TMEM176B: variants seen among roughly 807,000 people sequenced by gnomAD.
The protein encoded by TMEM176B is transmembrane protein 176B, also known as LR8-like protein.
In TMEM176B, 28 loss-of-function variants were observed where a neutral mutation model predicts 30.3. That is an observed-to-expected ratio of 0.92 (90% CI 0.68 to 1.27). TMEM176B has a LOEUF of 1.27. TMEM176B is among the 50% of genes most tolerant of loss of function. The probability of loss-of-function intolerance (pLI) is 0.00; values close to 1 mark genes in which losing one functional copy is unlikely to be tolerated. For synonymous variants in TMEM176B, 123 were observed against 130.3 expected (o/e 0.94, Z 0.38); for missense variants, 349 against 327.4 (o/e 1.07, Z -0.51).
At chr7:150,801,246 T>C (rs1469748417), upstream of TMEM176B, 11 of 275,160 alleles carry the variant, frequency 4.0e-5, no homozygotes, top group Non-Finnish European at 7.4e-5. Flanking sequence ...TGTGGGGCGC[T>C]GCTTGACCCA....
In TMEM176B at chr7:150,793,195, C is replaced by T; in HGVS notation, c.493G>A (p.Asp165Asn). The change falls in exon 5 of 7, where the codon GAT (aspartate) becomes AAT (asparagine). Residue 165 changes from aspartate (D) to asparagine (N), a missense_variant. By Grantham distance (23) the Asp-to-Asn change is conservative. Transcript: ENST00000326442. The stretch of plus-strand genomic sequence containing the variant: ...GTAGGGAAGACAGGGTCTGAGCGAT[C>T]ACACACAGTGTCGATGTATAAAAAG... ...EPFLYIDTVC[D>N]RSDPVFPTTG... 6.2e-7 allele frequency: 1 copy of T among 1,614,150 alleles called. No individual in the cohort carries two copies. The highest frequency in any genetic ancestry group is 8.5e-7 in the Non-Finnish European group (1 of 1,180,044).
At chr7:150,796,652 G>C in intron 1 of TMEM176B, 78 bp from the exon 2 acceptor site, 1 of 1,406,080 alleles carries the variant, frequency 7.1e-7, no homozygotes, top group African/African-American at 1.4e-5. Context: ...TGAAAGGAGA[G>C]AAATAGTGTC....
At chr7:150,791,734 CAG>C in intron 6 of TMEM176B, 111 bp from the exon 7 acceptor site, 1 of 1,020,024 alleles carries the variant, frequency 9.8e-7, no homozygotes, top group Non-Finnish European at 1.4e-6. Flanking sequence ...GAAAAGGTGA[CAG>C]GAAAAGCAGA....
At chr7:150,793,005 A>G (rs1210876423) in intron 5 of TMEM176B, 83 bp downstream of exon 5, 1 of 1,356,530 alleles carries the variant, frequency 7.4e-7, no homozygotes, top group Non-Finnish European at 1.1e-6. Context: ...CAAAGAGCCT[A>G]CATCTCTGTC....
upstream of TMEM176B, chr7:150,801,157 T>C (rs114949263): frequency 0.088 from 19,478 of 222,584 alleles, 1,030 homozygotes; most frequent in Non-Finnish European, 0.11. Flanking sequence ...AGCCAAGGAC[T>C]CGGTCCTGTC....
chr7:150,796,103 C>T (rs1798511788), intron 2 of TMEM176B, among the ~76,000 whole-genome samples: 1 of 152,160 alleles, frequency 6.6e-6, no homozygotes. Flanking sequence ...CATGCCATCG[C>T]TCACCCATCA....
chr7:150,796,440 T>C lies in TMEM176B; in HGVS notation c.130A>G (p.Lys44Glu). The change falls in exon 2 of 7, where the codon AAG becomes GAG. Residue 44 changes from lysine (K) to glutamate (E), a missense_variant. Lys to Glu is a moderately conservative substitution (Grantham distance 56). Coordinates refer to ENST00000326442, the MANE Select transcript of TMEM176B (RefSeq NM_001101312.2). ...TQLLKAGGSL[K>E]KFLFHPGDTV... The stretch of plus-strand genomic sequence containing the variant: ...TCCCCAGGGTGAAAAAGAAACTTCT[T>C]CAGAGAACCTCCAGCTTTCAGCAGT... 1 of 1,614,202 alleles carries C rather than the reference T, an allele frequency of 6.2e-7. No homozygotes were observed. Among genetic ancestry groups the C allele is most frequent in the Non-Finnish European group, 8.5e-7 (1 of 1,180,028 alleles).
rs769186780 is a variant in TMEM176B at position 150,796,486 on chromosome 7, G to A, written c.84C>T (p.His28=). The change falls in exon 2 of 7, where the codon CAC becomes CAT. Residue 28 remains histidine (H), a synonymous_variant. Coordinates refer to ENST00000326442, the MANE Select transcript of TMEM176B (RefSeq NM_001101312.2). ...SQPTHVNVHI[H]QESALTQLLK... ...GCAGTTGTGTCAAAGCTGACTCCTGGTGGATGTGGACGTTGACGTGGGTGG... is the reference window on the plus strand; with the variant it reads ...GCAGTTGTGTCAAAGCTGACTCCTGATGGATGTGGACGTTGACGTGGGTGG... The A allele has an allele frequency of 1.9e-6, 3 of 1,614,206 alleles. No homozygotes were observed. Among genetic ancestry groups the A allele is most frequent in the South Asian group, 2.2e-5 (2 of 91,086 alleles).
At chr7:150,801,219 GGGGTGAGGGGTCGA>G (rs1212532130), upstream of TMEM176B, 5 of 229,704 alleles carry the variant, frequency 2.2e-5, no homozygotes. Context: ...CCGGGAGGAG[GGGGTGAGGGGTCGA>G]GGTGTGGGGC....
intron 3 of TMEM176B, 58 bp downstream of exon 3, chr7:150,793,903 G>T: frequency 3.6e-6 from 5 of 1,405,240 alleles, no homozygotes; most frequent in Non-Finnish European, 2.9e-6. Context: ...ATCCATAAGC[G>T]CCTTCTTGCC....
At position 150,793,325 on chromosome 7, in the gene TMEM176B, A is replaced by G. The variant is rs1798392240; in HGVS notation, c.373-10T>C. ...GGCTGGATATATAGCCCTGGAAGAG[A>G]AAGAGGGTCATGACACACGCTCCTT... On this transcript the variant is annotated splice_polypyrimidine_tract_variant and intron_variant, in intron 4 of 6. Coordinates refer to ENST00000326442, the MANE Select transcript of TMEM176B (RefSeq NM_001101312.2). The G allele has an allele frequency of 1.9e-6, 3 of 1,612,190 alleles. No homozygotes were observed. The African/African-American group carries it at 4.0e-5, about 22-fold the overall frequency.
chr7:150,796,725 G>A, intron 1 of TMEM176B, 151 bp from the exon 2 acceptor site: 5 of 734,066 alleles, frequency 6.8e-6, no homozygotes, highest in Non-Finnish European at 1.1e-5. Context: ...TTGGGAGGCT[G>A]AGGTGGGTGG....
In TMEM176B at chr7:150,791,504, C is replaced by T. The variant is rs532319568; in HGVS notation, c.*27G>A. The T allele has an allele frequency of 1.2e-5, 19 of 1,600,034 alleles. No individual in the cohort carries two copies. The highest frequency in any genetic ancestry group is 3.3e-5 in the South Asian group (3 of 90,584). ...CTGGGCTGCCCTAGACAGGGACATG[C>T]GGGCACCCCGTGGGGTCTTTGGCAG... On this transcript the variant is annotated 3_prime_UTR_variant, in exon 7 of 7. Coordinates refer to ENST00000326442, the MANE Select transcript of TMEM176B (RefSeq NM_001101312.2).
chr7:150,799,717 C>T (rs1798686318), intron 1 of TMEM176B, among the ~76,000 whole-genome samples: 1 of 152,254 alleles, frequency 6.6e-6, no homozygotes. Context: ...CAGACCTTCC[C>T]TTGACGGCCC....
intron 2 of TMEM176B, among the ~76,000 whole-genome samples, chr7:150,794,944 CA>C (rs1426915951): frequency 9.3e-5 from 11 of 118,416 alleles, no homozygotes; most frequent in African/African-American, 2.7e-4. Flanking sequence ...CACACACACA[CA>C]CACCTCTCGA....
upstream of TMEM176B, chr7:150,800,495 G>A (rs1798737499): frequency 1.3e-5 from 2 of 152,224 alleles, no homozygotes; most frequent in Admixed American, 1.3e-4. Context: ...CCGGGCGGGA[G>A]AAGACCGAGC....
In TMEM176B at chr7:150,792,088, G is replaced by T. The variant is rs200886438; in HGVS notation, c.688C>A (p.Arg230=). 1 of 1,613,734 alleles carries T rather than the reference G, an allele frequency of 6.2e-7. No individual in the cohort carries two copies. The highest frequency in any genetic ancestry group is 1.7e-5 in the Admixed American group (1 of 59,990). ...VSLVSLGVGL[R]NLCGQSSQPL... ...TGGGAGCTCTGGCCACACAAGTTTC[G>T]AAGACCTACTCCCAAGGAAACCAAG... The change falls in exon 6 of 7, where the codon CGA becomes AGA. Residue 230 remains arginine, a synonymous_variant. Transcript: ENST00000326442.
upstream of TMEM176B, chr7:150,801,262 C>T: frequency 3.1e-6 from 1 of 319,986 alleles, no homozygotes; most frequent in East Asian, 5.5e-5. Flanking sequence ...ACCCAGACGC[C>T]AGGGCCCTGG....
At chr7:150,799,887 G>C (rs1234682641) in intron 1 of TMEM176B, 2 of 152,442 alleles carry the variant, frequency 1.3e-5, no homozygotes, top group African/African-American at 4.8e-5. Flanking sequence ...CGGGCCGCCC[G>C]ACGCCTGGTA....
Sources: gnomAD v4.1 joint callset for allele counts (sites outside exome capture counted in the v4.1 genomes callset) on GRCh38, gnomAD v4.1.1 for gene constraint, MANE v1.5 for transcripts, NCBI Gene and HGNC (gene_info 2026-07-23, HGNC 2026-07-21) for gene names.